Variants in CYFIP2 observed in about 807,000 individuals in gnomAD.
CYFIP2 encodes the protein cytoplasmic FMR1 interacting protein 2, also known as cytoplasmic FMR1-interacting protein 2.
In CYFIP2, 29 loss-of-function variants were observed where a neutral mutation model predicts 158.7. The observed-to-expected ratio is 0.18, with a 90% CI of 0.14 to 0.25. The LOEUF (loss-of-function observed/expected upper bound fraction) is 0.25, where lower values mean the gene tolerates loss of function less well. CYFIP2 is among the 10% of genes least tolerant of loss of function. CYFIP2 has a pLI of 1.00. For missense variants in CYFIP2, 852 were observed against 1,639.5 expected (o/e 0.52, Z 8.29); for synonymous variants, 585 against 617.6 (o/e 0.95, Z 0.78).
At chr5:157,353,810 T>G (rs1467241020) in intron 23 of CYFIP2, among the ~76,000 whole-genome samples, 1 of 152,230 alleles carries the variant, frequency 6.6e-6, no homozygotes, top group Non-Finnish European at 1.5e-5. Context: ...AACAGTTTAA[T>G]TCCTCTTGGG....
intron 9 of CYFIP2, among the ~76,000 whole-genome samples, chr5:157,309,073 G>A (rs1581027609): frequency 6.6e-6 from 1 of 152,192 alleles, no homozygotes; most frequent in East Asian, 1.9e-4. Flanking sequence ...TAGCTGGTCT[G>A]ACTTTATGAA....
chr5:157,383,134 G>C, intron 27 of CYFIP2, 131 bp from the exon 28 acceptor site: 1 of 724,194 alleles, frequency 1.4e-6, no homozygotes, highest in South Asian at 1.6e-5. Flanking sequence ...CAGAACGAAG[G>C]AGAGCAGTTC....
At chr5:157,372,109 T>A (rs1464809944) in intron 26 of CYFIP2, among the ~76,000 whole-genome samples, 1 of 152,194 alleles carries the variant, frequency 6.6e-6, no homozygotes, top group Admixed American at 6.5e-5. Flanking sequence ...ATTCACACTT[T>A]GGAAAACTCA....
At chr5:157,326,700 T>C (rs1056041602) in intron 18 of CYFIP2, among the ~76,000 whole-genome samples, 6 of 152,198 alleles carry the variant, frequency 3.9e-5, no homozygotes, top group Non-Finnish European at 7.3e-5. Context: ...TTCTCAGAAC[T>C]GGTTCTAGAA....
rs186272702 is a variant in CYFIP2, at chr5:157,309,038, T to C, written c.901-705T>C. ...ACATAGATGACTCAGAGCCCTGGGT[T>C]GTATAATCCTGGCTTCTTGACTTCT... On this transcript the variant is annotated intron_variant, in intron 9 of 30. Coordinates refer to ENST00000620254, the MANE Select transcript of CYFIP2 (RefSeq NM_001037333.3). 6.3e-3 allele frequency among the ~76,000 whole-genome samples: 955 copies of C among 152,310 alleles called. 2 individuals carry two copies. The highest frequency in any genetic ancestry group is 0.011 in the Non-Finnish European group (750 of 68,028).
At chr5:157,279,125 C>A (rs150533754) in intron 1 of CYFIP2, among the ~76,000 whole-genome samples, 10 of 152,270 alleles carry the variant, frequency 6.6e-5, no homozygotes, top group Non-Finnish European at 1.3e-4. Context: ...TTTGACATGT[C>A]TTTGCTGGCT....
At chr5:157,325,136 G>A (rs1409192598) in intron 16 of CYFIP2, among the ~76,000 whole-genome samples, 8 of 152,016 alleles carry the variant, frequency 5.3e-5, no homozygotes, top group South Asian at 2.1e-4. Context: ...CTCTGCGCCC[G>A]GCCACGAGCG....
chr5:157,299,998 G>A (rs765244233), intron 5 of CYFIP2, among the ~76,000 whole-genome samples: 2 of 152,100 alleles, frequency 1.3e-5, no homozygotes, highest in African/African-American at 2.4e-5. Flanking sequence ...GCTCTACCCC[G>A]GGACCTAGAA....
intron 18 of CYFIP2, 104 bp downstream of exon 18, chr5:157,326,371 C>A: frequency 1.0e-6 from 1 of 964,654 alleles, no homozygotes; most frequent in Non-Finnish European, 1.6e-6. Flanking sequence ...GTGACTTGTT[C>A]TGGAGAGGAA....
At chr5:157,376,877 ATCT>A (rs1263013384) in intron 26 of CYFIP2, 3 of 455,850 alleles carry the variant, frequency 6.6e-6, no homozygotes, top group South Asian at 1.6e-5. Context: ...CCTTTTAGAC[ATCT>A]TCTCTTCCGT....
At chr5:157,392,762 T>TTC in intron 30 of CYFIP2, 71 bp from the exon 31 acceptor site, 1 of 1,554,022 alleles carries the variant, frequency 6.4e-7, no homozygotes, top group Non-Finnish European at 8.8e-7. Context: ...CCTCAGTGAC[T>TTC]TCTCCTGTTA....
At chr5:157,267,843 C>G (rs147291102) in intron 1 of CYFIP2, among the ~76,000 whole-genome samples, 1 of 152,198 alleles carries the variant, frequency 6.6e-6, no homozygotes, top group Non-Finnish European at 1.5e-5. Flanking sequence ...CTTTTGGGAA[C>G]GGGTCCCTGA....
At chr5:157,333,296 A>G (rs1347262884) in intron 20 of CYFIP2, 31 bp from the exon 21 acceptor site, 1 of 1,613,180 alleles carries the variant, frequency 6.2e-7, no homozygotes, top group Non-Finnish European at 8.5e-7. Context: ...TGTGAATTTT[A>G]AGTAACTTTT....
intron 28 of CYFIP2, among the ~76,000 whole-genome samples, chr5:157,387,757 C>A (rs1766841888): frequency 6.6e-6 from 1 of 151,942 alleles, no homozygotes; most frequent in Non-Finnish European, 1.5e-5. Context: ...CCAAGCTGTT[C>A]CTGCCAATGA....
chr5:157,266,290 C>A lies in CYFIP2; in HGVS notation c.-24+95C>A, dbSNP rs370043679. On this transcript the variant is annotated intron_variant, in intron 1 of 30. Transcript: ENST00000620254. This position sits in a 1 kb window ranked among gnomAD's most constrained non-coding sequence, Gnocchi z 4.2. ...GTGAGGATGCGCGAAGGGCCGCCCC[C>A]TCTCCCGGCCCGCGGGGGGCGCTCG... is the stretch of plus-strand genomic sequence containing the variant. 1.3e-5 allele frequency: 2 copies of A among 150,976 alleles called. No individual in the cohort carries two copies. The highest frequency in any genetic ancestry group is 2.1e-4 in the South Asian group (1 of 4,838). 9.4% of individuals were successfully genotyped at this position (150,976 alleles called of 1,614,324 possible). A position where few individuals can be genotyped will look rare whatever the true frequency, so the allele number is the denominator to read the frequency against.
At chr5:157,377,582 G>C (rs1490851807) in intron 26 of CYFIP2, among the ~76,000 whole-genome samples, 1 of 152,120 alleles carries the variant, frequency 6.6e-6, no homozygotes, top group Non-Finnish European at 1.5e-5. Context: ...TCTTGGTAAG[G>C]GTTGTGCATC....
chr5:157,309,778 G>T lies in CYFIP2; in HGVS notation c.936G>T (p.Gln312His). The part of the protein sequence containing the change: ...LQVVPLFGDM[Q>H]IELARYIKTS... ...TGGTGCCCCTTTTCGGCGACATGCA[G>T]ATAGAGCTGGCCAGATACATTAAGA... is the stretch of plus-strand genomic sequence containing the variant. The change falls in exon 10 of 31, where the codon CAG becomes CAT. Residue 312 changes from glutamine to histidine, a missense_variant. Gln to His is a conservative substitution (Grantham distance 24). Around this residue, in one of 8 missense-constraint regions of CYFIP2, gnomAD observed 133 missense variants for 197.1 expected, o/e 0.67. Transcript: ENST00000620254. The T allele has an allele frequency of 6.2e-7, 1 of 1,608,292 alleles. No homozygotes were observed. Among genetic ancestry groups the T allele is most frequent in the South Asian group, 1.1e-5 (1 of 89,518 alleles).
At chr5:157,370,461 C>T (rs79808851) in intron 26 of CYFIP2, among the ~76,000 whole-genome samples, 2,529 of 152,340 alleles carry the variant, frequency 0.017, 31 homozygotes, top group Non-Finnish European at 0.028. Flanking sequence ...AATCAAAATA[C>T]AGCAAAGTCA....
chr5:157,353,345 C>T (rs1763198958), intron 23 of CYFIP2, among the ~76,000 whole-genome samples: 1 of 152,190 alleles, frequency 6.6e-6, no homozygotes. Flanking sequence ...GGCTCGGCTC[C>T]TGTTCCCCTG....
Sources: allele counts gnomAD v4.1 joint callset (sites outside exome capture counted in the v4.1 genomes callset), GRCh38; gene constraint gnomAD v4.1.1; regional missense constraint gnomAD v4.1.1; non-coding constraint Gnocchi (gnomAD v3.1); transcripts MANE v1.5; gene names NCBI Gene and HGNC (gene_info 2026-07-23, HGNC 2026-07-21).